Variants in EBF2 observed in about 807,000 individuals in gnomAD.
EBF2 encodes the protein EBF transcription factor 2.
EBF2 carries 21 observed loss-of-function variants against 72.8 expected under a neutral mutation model. The observed-to-expected ratio is 0.29, with a 90% CI of 0.20 to 0.42. The LOEUF is 0.42. Ranked by LOEUF, EBF2 falls within the 10% of genes least tolerant of loss-of-function variation. EBF2 has a pLI of 1.00. For synonymous variants in EBF2, 299 were observed against 274.2 expected (o/e 1.09, Z -0.89); for missense variants, 637 against 731.2 (o/e 0.87, Z 1.49).
At chr8:25,920,269 C>A (rs191315879) in intron 6 of EBF2, among the ~76,000 whole-genome samples, 2 of 152,280 alleles carry the variant, frequency 1.3e-5, no homozygotes, top group Admixed American at 1.3e-4. Context: ...TAATAGGAGG[C>A]CTGGTTTCTC....
intron 15 of EBF2, 119 bp downstream of exon 15, chr8:25,850,475 G>A (rs1801940296): frequency 1.6e-6 from 2 of 1,248,032 alleles, no homozygotes; most frequent in Non-Finnish European, 2.1e-6. Flanking sequence ...CCCATGATAA[G>A]AACAGCAAAG....
At chr8:25,965,297 G>C (rs747159354) in intron 6 of EBF2, among the ~76,000 whole-genome samples, 1 of 152,018 alleles carries the variant, frequency 6.6e-6, no homozygotes, top group African/African-American at 2.4e-5. Context: ...AGTCTATAAC[G>C]ATTTTGTGTA....
At chr8:26,003,908 C>G (rs1410913001) in intron 6 of EBF2, among the ~76,000 whole-genome samples, 1 of 152,158 alleles carries the variant, frequency 6.6e-6, no homozygotes, top group African/African-American at 2.4e-5. Flanking sequence ...CTCCTGCCAG[C>G]AAGAGTTTGC....
chr8:26,041,157 T>A lies in EBF2; in HGVS notation c.289-155A>T, dbSNP rs1585238528. 9 of 823,222 alleles carry A rather than the reference T, an allele frequency of 1.1e-5. No homozygotes were observed. In the East Asian group the frequency reaches 1.9e-4, roughly 17 times the overall value. 51.0% of individuals were successfully genotyped at this position (823,222 alleles called of 1,614,324 possible). ...AGCCCTAGGTCAAAGGGCATGAGCA[T>A]CTGCCTGTCCTTGGCCGCCCCCGGA... is the stretch of plus-strand genomic sequence containing the variant. On this transcript the variant is annotated intron_variant, in intron 2 of 15. Transcript: ENST00000520164.
intron 6 of EBF2, among the ~76,000 whole-genome samples, chr8:26,005,561 T>TATATATATATAG (rs375386709): frequency 6.3e-5 from 4 of 63,886 alleles, no homozygotes; most frequent in African/African-American, 2.9e-4. Flanking sequence ...TATATATATA[T>TATATATATATAG]AGAGAGAGAG....
intron 6 of EBF2, among the ~76,000 whole-genome samples, chr8:25,960,279 GA>G (rs1362002961): frequency 2.0e-5 from 3 of 152,202 alleles, no homozygotes; most frequent in Admixed American, 6.5e-5. Flanking sequence ...TATTTCTAAA[GA>G]AATGGGATTC....
At chr8:25,895,333 G>A (rs750742954) in intron 7 of EBF2, among the ~76,000 whole-genome samples, 1 of 152,114 alleles carries the variant, frequency 6.6e-6, no homozygotes, top group Non-Finnish European at 1.5e-5. Flanking sequence ...AAATAAAAGT[G>A]GTTTTCGCCT....
intron 7 of EBF2, among the ~76,000 whole-genome samples, chr8:25,896,780 T>G (rs1306466056): frequency 6.6e-6 from 1 of 152,214 alleles, no homozygotes; most frequent in Non-Finnish European, 1.5e-5. Context: ...ATTCTCATCA[T>G]GGACAAGGTG....
intron 5 of EBF2, among the ~76,000 whole-genome samples, chr8:26,034,855 A>G (rs534489258): frequency 6.6e-6 from 1 of 152,228 alleles, no homozygotes; most frequent in African/African-American, 2.4e-5. Flanking sequence ...TAAGTTTGAC[A>G]TGATACCTTA....
chr8:25,859,221 T>C (rs536088817), intron 13 of EBF2, among the ~76,000 whole-genome samples: 2 of 152,346 alleles, frequency 1.3e-5, no homozygotes, highest in South Asian at 4.1e-4. Flanking sequence ...TTGATTCATA[T>C]ACAGAAGGCC....
chr8:25,969,887 G>A (rs550706168), intron 6 of EBF2, among the ~76,000 whole-genome samples: 2 of 152,280 alleles, frequency 1.3e-5, no homozygotes, highest in Non-Finnish European at 1.5e-5. Context: ...CTGTTTCTTG[G>A]GGTTGTGGTG....
intron 6 of EBF2, among the ~76,000 whole-genome samples, chr8:25,963,830 G>GA (rs1347431827): frequency 2.6e-5 from 4 of 152,150 alleles, no homozygotes; most frequent in Non-Finnish European, 5.9e-5. Flanking sequence ...AAGCAGGTGT[G>GA]AAAAAAATCT....
intron 6 of EBF2, among the ~76,000 whole-genome samples, chr8:26,018,434 C>T (rs953728724): frequency 4.4e-4 from 62 of 141,824 alleles, no homozygotes; most frequent in African/African-American, 1.5e-3. Context: ...AGGTGGATCA[C>T]GAGGTCAGGA....
chr8:25,887,701 G>C (rs1196432927), intron 9 of EBF2, 141 bp downstream of exon 9: 1 of 950,310 alleles, frequency 1.1e-6, no homozygotes, highest in African/African-American at 1.7e-5. Context: ...TACTGCAGTG[G>C]ATACTTATCT....
intron 6 of EBF2, among the ~76,000 whole-genome samples, chr8:25,929,600 T>TA (rs1053584197): frequency 1.4e-4 from 21 of 152,180 alleles, no homozygotes; most frequent in Non-Finnish European, 2.5e-4. Context: ...CATGTGTGCT[T>TA]AAAAAAAATC....
intron 6 of EBF2, among the ~76,000 whole-genome samples, chr8:26,010,938 ATTAT>A (rs1804971469): frequency 1.3e-5 from 2 of 152,096 alleles, no homozygotes; most frequent in South Asian, 4.1e-4. Context: ...CATAAACATT[ATTAT>A]TTAAAGTGCA....
chr8:26,001,522 A>C (rs1159100685), intron 6 of EBF2, among the ~76,000 whole-genome samples: 1 of 152,050 alleles, frequency 6.6e-6, no homozygotes, highest in African/African-American at 2.4e-5. Flanking sequence ...TAAACATGGC[A>C]TACATATAAA....
rs1355558727 is a variant in EBF2, at chr8:25,961,565, C to A, written c.552-53010G>T. Among the ~76,000 whole-genome samples the A allele has an allele frequency of 2.6e-5, 4 of 152,138 alleles. No homozygotes were observed. In the East Asian group the frequency reaches 5.8e-4, roughly 22 times the overall value. On this transcript the variant is annotated intron_variant, in intron 6 of 15. Coordinates refer to ENST00000520164, the MANE Select transcript of EBF2 (RefSeq NM_022659.4). ...TTTAGTAGGGATAGCGTTTCACCATCTTGGCCAGGCTGGTCTTGAACTCTT... is the reference window on the plus strand; with the variant it reads ...TTTAGTAGGGATAGCGTTTCACCATATTGGCCAGGCTGGTCTTGAACTCTT...
intron 7 of EBF2, among the ~76,000 whole-genome samples, chr8:25,891,735 G>A (rs1018055346): frequency 6.6e-6 from 1 of 151,964 alleles, no homozygotes; most frequent in South Asian, 2.1e-4. Flanking sequence ...CTGCCACCAT[G>A]CTCAGCTAAT....
Sources: gnomAD v4.1 joint callset for allele counts (sites outside exome capture counted in the v4.1 genomes callset) on GRCh38, gnomAD v4.1.1 for gene constraint, MANE v1.5 for transcripts, NCBI Gene and HGNC (gene_info 2026-07-23, HGNC 2026-07-21) for gene names.